EML5: variants seen among roughly 807,000 people sequenced by gnomAD.
The protein encoded by EML5 is echinoderm microtubule-associated protein-like 5.
Under a neutral mutation model 250.0 loss-of-function variants are expected in EML5, and 120 were observed. That is an observed-to-expected ratio of 0.48 (90% CI 0.41 to 0.56). The LOEUF (loss-of-function observed/expected upper bound fraction) is 0.56, where lower values mean the gene tolerates loss of function less well. Ranked by LOEUF, EML5 falls within the 20% of genes least tolerant of loss-of-function variation. The pLI is 0.00. For missense variants in EML5, 2,006 were observed against 2,437.6 expected, an observed-to-expected ratio of 0.82 and a Z score of 3.73; for synonymous variants, 771 against 806.5, an observed-to-expected ratio of 0.96 and a Z score of 0.75.
In EML5 at chr14:88,661,750, A is replaced by G. The variant is rs772914110; in HGVS notation, c.3579T>C (p.Val1193=). Residue 1193 remains valine (V), a synonymous_variant, in exon 25 of 44, where the codon GTT becomes GTC. Transcript: ENST00000554922. ...TGAGGCAAGAAGCAGTTACATCTGT[A>G]ACTTCTCCAATTACTGGCCAAATTC... ...CEGIWPVIGE[V]TDVTASCLTS... 1.9e-6 allele frequency: 3 copies of G among 1,613,736 alleles called. No homozygotes were observed. Among genetic ancestry groups the G allele is most frequent in the South Asian group, 1.1e-5 (1 of 91,052 alleles).
intron 33 of EML5, 56 bp from the exon 34 acceptor site, chr14:88,627,875 T>C: frequency 1.4e-6 from 2 of 1,479,102 alleles, no homozygotes; most frequent in Non-Finnish European, 1.8e-6. Context: ...TATTTCTGTT[T>C]CTAAAGCTTA....
chr14:88,720,654 C>T (rs1000266286), intron 8 of EML5, among the ~76,000 whole-genome samples: 1 of 152,102 alleles, frequency 6.6e-6, no homozygotes, highest in African/African-American at 2.4e-5. Flanking sequence ...TTATGACAAA[C>T]CCACAGCCAA....
At chr14:88,773,827 T>G (rs2140646604) in intron 1 of EML5, among the ~76,000 whole-genome samples, 1 of 152,124 alleles carries the variant, frequency 6.6e-6, no homozygotes, top group African/African-American at 2.4e-5. Context: ...GATAAAAAAC[T>G]TATTACTGGG....
chr14:88,780,466 A>C (rs1198160614), intron 1 of EML5, among the ~76,000 whole-genome samples: 1 of 152,260 alleles, frequency 6.6e-6, no homozygotes. Flanking sequence ...GAAACAGAAT[A>C]GAATACATAC....
chr14:88,739,563 T>C (rs1403636895), intron 5 of EML5, among the ~76,000 whole-genome samples: 2 of 152,144 alleles, frequency 1.3e-5, no homozygotes, highest in Non-Finnish European at 2.9e-5. Context: ...TATAACTAAA[T>C]ATAAAACAAG....
intron 13 of EML5, among the ~76,000 whole-genome samples, chr14:88,703,204 A>G (rs1252524433): frequency 6.6e-6 from 1 of 152,212 alleles, no homozygotes; most frequent in Non-Finnish European, 1.5e-5. Flanking sequence ...ATAATATTAA[A>G]ATTGTATACT....
chr14:88,735,643 C>T (rs937646120), intron 7 of EML5, among the ~76,000 whole-genome samples: 11 of 152,064 alleles, frequency 7.2e-5, no homozygotes, highest in Non-Finnish European at 2.9e-5. Flanking sequence ...ATTTAAAATG[C>T]ACACATCCTT....
chr14:88,642,907 T>G lies in EML5; in HGVS notation c.4223A>C (p.His1408Pro). ...IYHTASVGIL[H>P]NVATGSQSFY... The stretch of plus-strand genomic sequence containing the variant: ...GGGTTTCCTACCTGTAGCAACATTG[T>G]GCAGAATTCCAACAGATGCAGTGTG... Residue 1408 changes from histidine to proline, a missense_variant, in exon 31 of 44, where the codon CAC (histidine) becomes CCC (proline). Coordinates refer to ENST00000554922, the MANE Select transcript of EML5 (RefSeq NM_183387.3). The G allele has an allele frequency of 6.2e-7, 1 of 1,604,240 alleles. No homozygotes were observed. The highest frequency in any genetic ancestry group is 8.5e-7 in the Non-Finnish European group (1 of 1,177,030).
At chr14:88,730,074 T>C (rs1306508184) in intron 7 of EML5, among the ~76,000 whole-genome samples, 2 of 152,094 alleles carry the variant, frequency 1.3e-5, no homozygotes, top group Non-Finnish European at 2.9e-5. Context: ...TATAGTGACA[T>C]TTTGTTATTA....
intron 33 of EML5, among the ~76,000 whole-genome samples, chr14:88,631,836 C>T (rs2090457468): frequency 6.6e-6 from 1 of 152,032 alleles, no homozygotes; most frequent in Non-Finnish European, 1.5e-5. Flanking sequence ...GCTACTGCGC[C>T]CAGCTCATAT....
chr14:88,722,076 G>A (rs115101227), intron 8 of EML5, among the ~76,000 whole-genome samples: 4,415 of 152,140 alleles, frequency 0.029, 229 homozygotes, highest in African/African-American at 0.1. Flanking sequence ...ACCATCTCAC[G>A]TCAGTCAGAA....
intron 32 of EML5, among the ~76,000 whole-genome samples, chr14:88,636,862 C>G (rs185811154): frequency 6.4e-4 from 98 of 152,180 alleles, no homozygotes; most frequent in Middle Eastern, 3.4e-3. Context: ...CCCAGGGAAA[C>G]GTTTACTTCA....
intron 4 of EML5, among the ~76,000 whole-genome samples, chr14:88,743,253 G>A (rs2093951449): frequency 6.6e-6 from 1 of 152,054 alleles, no homozygotes; most frequent in African/African-American, 2.4e-5. Flanking sequence ...GTTTCAAATA[G>A]CTAGAAGGAG....
chr14:88,704,108 T>A (rs1158491329), intron 13 of EML5, among the ~76,000 whole-genome samples: 1 of 152,102 alleles, frequency 6.6e-6, no homozygotes, highest in East Asian at 1.9e-4. Flanking sequence ...CAGTGTGGGA[T>A]ATTAGGCCTG....
At chr14:88,783,500 C>T (rs1422355008) in intron 1 of EML5, among the ~76,000 whole-genome samples, 2 of 151,786 alleles carry the variant, frequency 1.3e-5, no homozygotes, top group African/African-American at 4.8e-5. Flanking sequence ...CCAATAGAAA[C>T]CAAAAAAGAG....
chr14:88,681,145 A>T (rs1192396979), intron 21 of EML5, among the ~76,000 whole-genome samples: 1 of 152,242 alleles, frequency 6.6e-6, no homozygotes, highest in African/African-American at 2.4e-5. Context: ...TATCAAAATT[A>T]ACTAATGGGT....
chr14:88,755,943 G>A (rs1348506577), intron 1 of EML5, among the ~76,000 whole-genome samples: 1 of 152,170 alleles, frequency 6.6e-6, no homozygotes, highest in African/African-American at 2.4e-5. Flanking sequence ...AGGAACCCAG[G>A]AGTTCAAGGC....
chr14:88,618,719 G>C lies in EML5; in HGVS notation c.5469C>G (p.Ile1823Met). The C allele has an allele frequency of 6.2e-7, 1 of 1,610,762 alleles. No individual in the cohort carries two copies. The highest frequency in any genetic ancestry group is 8.5e-7 in the Non-Finnish European group (1 of 1,178,346). The change falls in exon 40 of 44, where the codon ATC becomes ATG. Residue 1823 changes from isoleucine to methionine, a missense_variant. Physicochemically the swap from Ile to Met is conservative, Grantham distance 10 (BLOSUM62 1). Coordinates refer to ENST00000554922, the MANE Select transcript of EML5 (RefSeq NM_183387.3). Reference protein sequence around the residue: ...DLTLGPTLNRISYCKDIPSFV... With the variant: ...DLTLGPTLNRMSYCKDIPSFV... ...AGCTTGGAATGTCTTTGCAGTAGCTGATTCTGTTAAGAGTGGGGCCCAGCG... is the reference window on the plus strand; with the variant it reads ...AGCTTGGAATGTCTTTGCAGTAGCTCATTCTGTTAAGAGTGGGGCCCAGCG...
At position 88,682,028 on chromosome 14, in the gene EML5, G is replaced by A; in HGVS notation, c.2986C>T (p.His996Tyr). The change falls in exon 21 of 44, where the codon CAC becomes TAC. Residue 996 changes from histidine (H) to tyrosine (Y), a missense_variant. Coordinates refer to ENST00000554922, the MANE Select transcript of EML5 (RefSeq NM_183387.3). ...AAACCCCACACCTCTCCTTCCATGT[G>A]TCCCTATAAAGAAAACATAGGATCA... Reference protein sequence around the residue: ...SGPITLLVQGHMEGEVWGLAT... With the variant: ...SGPITLLVQGYMEGEVWGLAT... The A allele has an allele frequency of 6.3e-7, 1 of 1,590,644 alleles. No individual in the cohort carries two copies. The highest frequency in any genetic ancestry group is 8.5e-7 in the Non-Finnish European group (1 of 1,172,178).
Sources: allele counts gnomAD v4.1 joint callset (sites outside exome capture counted in the v4.1 genomes callset), GRCh38; gene constraint gnomAD v4.1.1; transcripts MANE v1.5; gene names NCBI Gene and HGNC (gene_info 2026-07-23, HGNC 2026-07-21).